The following CCDC28A variants were observed in gnomAD, a reference collection of about 807,000 sequenced individuals.
CCDC28A encodes the protein coiled-coil domain containing 28A.
In CCDC28A, 24 loss-of-function variants were observed where a neutral mutation model predicts 22.1. The observed-to-expected ratio is 1.09, with a 90% CI of 0.79 to 1.53. The LOEUF is 1.53. Ranked by LOEUF, CCDC28A falls within the 40% of genes most tolerant of loss-of-function variation. The pLI, the probability that CCDC28A is intolerant of heterozygous loss-of-function variation, is 0.00. For missense variants in CCDC28A, 170 were observed against 210.7 expected, an observed-to-expected ratio of 0.81 and a Z score of 1.20; for synonymous variants, 83 against 74.7, an observed-to-expected ratio of 1.11 and a Z score of -0.57.
At chr6:138,786,138 G>A (rs1180495609) in intron 4 of CCDC28A, among the ~76,000 whole-genome samples, 1 of 152,140 alleles carries the variant, frequency 6.6e-6, no homozygotes, top group South Asian at 2.1e-4. Flanking sequence ...AGTAGCCGTC[G>A]TGTTCACATG....
At chr6:138,780,545 T>C (rs1342537998) in intron 3 of CCDC28A, among the ~76,000 whole-genome samples, 1 of 151,840 alleles carries the variant, frequency 6.6e-6, no homozygotes, top group Non-Finnish European at 1.5e-5. Context: ...ATTTGTAAGC[T>C]TTTTCTAATG....
chr6:138,784,875 G>T (rs546432538), intron 3 of CCDC28A, among the ~76,000 whole-genome samples: 137 of 152,178 alleles, frequency 9.0e-4, no homozygotes, highest in African/African-American at 3.2e-3. Flanking sequence ...TGTATTTTTA[G>T]TAGAGACTAG....
intron 3 of CCDC28A, among the ~76,000 whole-genome samples, chr6:138,784,349 TTTTC>T (rs1775062081): frequency 1.5e-5 from 1 of 68,060 alleles, no homozygotes; most frequent in Non-Finnish European, 2.8e-5. Flanking sequence ...TCTTTTCTCT[TTTTC>T]TTTTTTTTTT....
chr6:138,789,675 A>T (rs1266477854), intron 5 of CCDC28A, among the ~76,000 whole-genome samples: 1 of 152,050 alleles, frequency 6.6e-6, no homozygotes, highest in African/African-American at 2.4e-5. Flanking sequence ...AAATACAAAA[A>T]TTAGCCAGGT....
At chr6:138,783,268 C>CTTTTTTTTTTTTTTTTT (rs36017020) in intron 3 of CCDC28A, among the ~76,000 whole-genome samples, 1 of 113,616 alleles carries the variant, frequency 8.8e-6, no homozygotes, top group African/African-American at 3.3e-5. Context: ...CGTTATTGAA[C>CTTTTTTTTTTTTTTTTT]TTTTTTTTTT....
chr6:138,778,823 A>C (rs1774975904), intron 2 of CCDC28A, among the ~76,000 whole-genome samples: 1 of 149,224 alleles, frequency 6.7e-6, no homozygotes, highest in African/African-American at 2.5e-5. Context: ...GCTGGAGTGC[A>C]GTGGTACAAT....
chr6:138,779,675 TTTCTGGCTTGGA>T, intron 2 of CCDC28A, 135 bp from the exon 3 acceptor site: 1 of 485,924 alleles, frequency 2.1e-6, no homozygotes, highest in Non-Finnish European at 3.5e-6. Context: ...TTTCTTTTGG[TTTCTGGCTTGGA>T]GTTTCTGGTT....
intron 2 of CCDC28A, 23 bp from the exon 3 acceptor site, chr6:138,779,799 C>T (rs1437512537): frequency 1.5e-5 from 23 of 1,582,626 alleles, no homozygotes; most frequent in Non-Finnish European, 2.0e-5. Context: ...GCCTAAAAAG[C>T]CTAAATTTCA....
chr6:138,774,987 T>G (rs1373905597), intron 1 of CCDC28A, among the ~76,000 whole-genome samples: 1 of 150,926 alleles, frequency 6.6e-6, no homozygotes, highest in African/African-American at 2.4e-5. Context: ...GGAGTCTCGC[T>G]CTGTCGCAGT....
At chr6:138,790,030 G>C (rs1387652099) in intron 5 of CCDC28A, among the ~76,000 whole-genome samples, 2 of 152,160 alleles carry the variant, frequency 1.3e-5, no homozygotes, top group African/African-American at 4.8e-5. Context: ...GTTAAAGAAG[G>C]GGGTAAGACT....
chr6:138,782,743 G>A (rs1393535649), intron 3 of CCDC28A, among the ~76,000 whole-genome samples: 1 of 152,126 alleles, frequency 6.6e-6, no homozygotes, highest in African/African-American at 2.4e-5. Context: ...GTGAAGAAAG[G>A]ACGATTTTGA....
chr6:138,783,413 C>A (rs1215077689), intron 3 of CCDC28A, among the ~76,000 whole-genome samples: 1 of 146,816 alleles, frequency 6.8e-6, no homozygotes, highest in Non-Finnish European at 1.5e-5. Flanking sequence ...GTACTGCAGG[C>A]ACACACCACC....
At chr6:138,789,882 T>C (rs1013210893) in intron 5 of CCDC28A, among the ~76,000 whole-genome samples, 2 of 152,206 alleles carry the variant, frequency 1.3e-5, no homozygotes, top group African/African-American at 4.8e-5. Flanking sequence ...TTCCCAGTAC[T>C]ATATAAAGGG....
intron 5 of CCDC28A, among the ~76,000 whole-genome samples, chr6:138,789,516 G>C (rs1478541679): frequency 6.6e-6 from 1 of 152,158 alleles, no homozygotes; most frequent in African/African-American, 2.4e-5. Context: ...CTGCTGAATT[G>C]TGCAGTAACA....
intron 2 of CCDC28A, among the ~76,000 whole-genome samples, chr6:138,776,696 A>G (rs561038862): frequency 2.0e-5 from 3 of 151,522 alleles, no homozygotes; most frequent in Admixed American, 6.6e-5. Context: ...ATATATATAT[A>G]TTTTTAAATA....
intron 3 of CCDC28A, among the ~76,000 whole-genome samples, chr6:138,784,221 G>A (rs970276468): frequency 1.2e-4 from 18 of 152,018 alleles, no homozygotes; most frequent in African/African-American, 4.3e-4. Flanking sequence ...ACAAAATGTT[G>A]GGTCACTCAG....
intron 3 of CCDC28A, among the ~76,000 whole-genome samples, chr6:138,780,215 G>T (rs1397163562): frequency 6.6e-6 from 1 of 152,148 alleles, no homozygotes; most frequent in Non-Finnish European, 1.5e-5. Flanking sequence ...GTTGAAGTAG[G>T]ATTGCCATTA....
intron 3 of CCDC28A, among the ~76,000 whole-genome samples, chr6:138,783,472 C>T (rs1232185133): frequency 7.0e-6 from 1 of 142,156 alleles, no homozygotes; most frequent in Non-Finnish European, 1.5e-5. Context: ...GAGTCTCGCT[C>T]TTTCGCCCAG....
chr6:138,777,450 AG>A (rs535179681), intron 2 of CCDC28A, among the ~76,000 whole-genome samples: 1 of 152,368 alleles, frequency 6.6e-6, no homozygotes, highest in East Asian at 1.9e-4. Flanking sequence ...TGGTGGAAAA[AG>A]AAAACGAAGA....
Sources: gnomAD v4.1 joint callset for allele counts (sites outside exome capture counted in the v4.1 genomes callset) on GRCh38, gnomAD v4.1.1 for gene constraint, MANE v1.5 for transcripts, NCBI Gene and HGNC (gene_info 2026-07-23, HGNC 2026-07-21) for gene names.